The following CBL variants were observed in gnomAD, a reference collection of about 807,000 sequenced individuals.
The protein encoded by CBL is Cbl proto-oncogene, also known as E3 ubiquitin-protein ligase CBL.
Under a neutral mutation model 96.9 loss-of-function variants are expected in CBL, and 45 were observed. The observed-to-expected ratio is 0.46, with a 90% CI of 0.37 to 0.60. The LOEUF (loss-of-function observed/expected upper bound fraction) is 0.60, where lower values mean the gene tolerates loss of function less well. Ranked by LOEUF, CBL falls within the 20% of genes least tolerant of loss-of-function variation. The pLI is 0.00. For synonymous variants in CBL, 420 were observed against 426.8 expected (o/e 0.98, Z 0.20); for missense variants, 1,024 against 1,143.5 (o/e 0.90, Z 1.51).
intron 2 of CBL, among the ~76,000 whole-genome samples, chr11:119,260,725 G>T (rs2135287283): frequency 6.6e-6 from 1 of 152,006 alleles, no homozygotes; most frequent in South Asian, 2.1e-4. Flanking sequence ...TACTGCCCCT[G>T]TTACTTTTCT....
At chr11:119,227,085 G>T (rs962592298) in intron 1 of CBL, among the ~76,000 whole-genome samples, 2 of 152,180 alleles carry the variant, frequency 1.3e-5, no homozygotes, top group African/African-American at 4.8e-5. Flanking sequence ...AAAAGTGATA[G>T]CTATTCAGTG....
rs2135303762 is a variant in CBL at position 119,278,233 on chromosome 11, A to G, written c.1163A>G (p.Asp388Gly). 5 of 1,612,768 alleles carry G rather than the reference A, an allele frequency of 3.1e-6. No individual in the cohort carries two copies. Among genetic ancestry groups the G allele is most frequent in the Non-Finnish European group, 4.2e-6 (5 of 1,178,780 alleles). ...FQLCKICAEN[D>G]KDVKIEPCGH... ...CTATGTAAAATATGTGCTGAAAATG[A>G]TAAGGATGTAAAGATTGAGCCCTGT... Residue 388 changes from aspartate to glycine, a missense_variant, in exon 8 of 16, where the codon GAT (aspartate) becomes GGT (glycine). Physicochemically the swap from Asp to Gly is moderately conservative, Grantham distance 94. Coordinates refer to ENST00000264033, the MANE Select transcript of CBL (RefSeq NM_005188.4).
At chr11:119,280,886 G>A (rs561902521) in intron 9 of CBL, among the ~76,000 whole-genome samples, 4 of 152,146 alleles carry the variant, frequency 2.6e-5, no homozygotes, top group East Asian at 1.9e-4. Context: ...GTGTTTACAT[G>A]ATTTCACTCC....
chr11:119,228,296 A>G (rs1487120863), intron 1 of CBL, among the ~76,000 whole-genome samples: 1 of 152,042 alleles, frequency 6.6e-6, no homozygotes, highest in Admixed American at 6.6e-5. Context: ...ATGTTTTTGT[A>G]GAGATGGGGT....
chr11:119,260,494 C>A (rs1267945629), intron 2 of CBL, among the ~76,000 whole-genome samples: 1 of 151,996 alleles, frequency 6.6e-6, no homozygotes, highest in Non-Finnish European at 1.5e-5. Flanking sequence ...ATTGTCTCAT[C>A]TGTAAAATGG....
In CBL at chr11:119,305,904, A is replaced by G. The variant is rs1054054259; in HGVS notation, c.*6123A>G. ...TACTAGAGTCATTTGATACACACAG[A>G]AGTTACCTAATAATCCAAAGATGTC... On this transcript the variant is annotated 3_prime_UTR_variant, in exon 16 of 16. Transcript: ENST00000264033. The G allele has an allele frequency of 2.0e-5, 5 of 251,642 alleles. No homozygotes were observed. The highest frequency in any genetic ancestry group is 1.1e-4 in the African/African-American group (5 of 45,948). The allele number at this position is 251,642 out of a possible 1,614,324, so 15.6% of individuals were successfully genotyped here. A position where few individuals can be genotyped will look rare whatever the true frequency, so the allele number is the denominator to read the frequency against.
At position 119,285,401 on chromosome 11, in the gene CBL, C is replaced by T. The variant is rs886047769; in HGVS notation, c.1776C>T (p.Pro592=). 2.5e-6 allele frequency: 4 copies of T among 1,614,038 alleles called. No individual in the cohort carries two copies. Among genetic ancestry groups the T allele is most frequent in the Non-Finnish European group, 2.5e-6 (3 of 1,180,034 alleles). The change falls in exon 11 of 16, where the codon CCC becomes CCT. Residue 592 remains proline (P), a synonymous_variant. Transcript: ENST00000264033. ...GCCGCCTTGGAGACTCATGGCTGCC[C>T]CGGCCAATCCCCAAAGTACCAGTAT... ...PSSRLGDSWL[P]RPIPKVPVSA...
intron 2 of CBL, among the ~76,000 whole-genome samples, chr11:119,252,226 C>G (rs1949674849): frequency 6.6e-6 from 1 of 151,754 alleles, no homozygotes; most frequent in African/African-American, 2.4e-5. Context: ...GAACACTCAT[C>G]CAGTCTAGTG....
chr11:119,306,441 A>G lies in CBL; in HGVS notation c.*6660A>G. ...TCCTACATTCTCCTTCTGCCCCTAAATCAGACAGGAGGCCAGAGAGGAGTA... is the reference window on the plus strand; with the variant it reads ...TCCTACATTCTCCTTCTGCCCCTAAGTCAGACAGGAGGCCAGAGAGGAGTA... On this transcript the variant is annotated 3_prime_UTR_variant, in exon 16 of 16. Transcript: ENST00000264033. 1 of 398,624 alleles carries G rather than the reference A, an allele frequency of 2.5e-6. No individual in the cohort carries two copies. Among genetic ancestry groups the G allele is most frequent in the Non-Finnish European group, 4.4e-6 (1 of 225,990 alleles). 24.7% of individuals were successfully genotyped at this position (398,624 alleles called of 1,614,324 possible).
intron 2 of CBL, among the ~76,000 whole-genome samples, chr11:119,253,706 C>T (rs73566762): frequency 0.017 from 2,543 of 149,366 alleles, 73 homozygotes; most frequent in African/African-American, 0.059. Context: ...GGTGTGGTGG[C>T]GCATACCTGT....
chr11:119,235,045 C>G (rs549836660), intron 2 of CBL, among the ~76,000 whole-genome samples: 2 of 152,108 alleles, frequency 1.3e-5, no homozygotes, highest in Non-Finnish European at 2.9e-5. Flanking sequence ...TTTTTGACCT[C>G]TAGACTTTCT....
At chr11:119,289,542 C>G (rs1950009556) in intron 12 of CBL, 1 of 146,168 alleles carries the variant, frequency 6.8e-6, no homozygotes, top group Admixed American at 6.8e-5. Flanking sequence ...CCATTTCACT[C>G]CTCTATTTTT....
chr11:119,254,880 G>A (rs71484132), intron 2 of CBL, among the ~76,000 whole-genome samples: 2 of 152,140 alleles, frequency 1.3e-5, no homozygotes, highest in Non-Finnish European at 2.9e-5. Flanking sequence ...GGGATTACAG[G>A]TGTGAGCCAC....
chr11:119,251,086 A>G (rs1217846568), intron 2 of CBL, among the ~76,000 whole-genome samples: 4 of 152,236 alleles, frequency 2.6e-5, no homozygotes, highest in Non-Finnish European at 5.9e-5. Flanking sequence ...GGGTACTTCC[A>G]AATTCTGGTG....
rs1404452529 is a variant in CBL, at chr11:119,232,430, C to T, written c.196-18C>T. 6.2e-7 allele frequency: 1 copy of T among 1,612,426 alleles called. No individual in the cohort carries two copies. The highest frequency in any genetic ancestry group is 8.5e-7 in the Non-Finnish European group (1 of 1,179,908). ...TAAAATTCTCCAAGTAATAGCCCTT[C>T]TTTTTCATTTGTTGCAGGTGGTGCG... On this transcript the variant is annotated intron_variant, in intron 1 of 15. Coordinates refer to ENST00000264033, the MANE Select transcript of CBL (RefSeq NM_005188.4).
At chr11:119,213,196 C>T (rs11217186) in intron 1 of CBL, among the ~76,000 whole-genome samples, 35,022 of 151,988 alleles carry the variant, frequency 0.23, 4,292 homozygotes, top group East Asian at 0.38. Context: ...TTCCCTGTGC[C>T]TCCTAAAAGC....
rs1202002361 is a variant in CBL, at chr11:119,304,542, C to A, written c.*4761C>A. On this transcript the variant is annotated 3_prime_UTR_variant, in exon 16 of 16. Coordinates refer to ENST00000264033, the MANE Select transcript of CBL (RefSeq NM_005188.4). ...CACAGTCTGCTTATGGTATATGTGG[C>A]CCCCAAATAGGCACTCTAGTCCTCA... The A allele has an allele frequency of 8.6e-6, 2 of 232,760 alleles. No homozygotes were observed. The highest frequency in any genetic ancestry group is 4.4e-5 in the African/African-American group (2 of 45,252). The allele number at this position is 232,760 out of a possible 1,614,324, so 14.4% of individuals were successfully genotyped here. A position where few individuals can be genotyped will look rare whatever the true frequency, so the allele number is the denominator to read the frequency against.
intron 1 of CBL, among the ~76,000 whole-genome samples, chr11:119,225,177 A>G (rs1322854788): frequency 1.3e-5 from 2 of 151,014 alleles, no homozygotes; most frequent in Non-Finnish European, 2.9e-5. Context: ...GCTCACTGCA[A>G]CCTCCACCTC....
At chr11:119,271,021 G>T (rs2135296305) in intron 2 of CBL, among the ~76,000 whole-genome samples, 1 of 152,348 alleles carries the variant, frequency 6.6e-6, no homozygotes, top group East Asian at 1.9e-4. Context: ...AGGAAGAGGA[G>T]TTTGGGTAAA....
Sources: gnomAD v4.1 joint callset for allele counts (sites outside exome capture counted in the v4.1 genomes callset) on GRCh38, gnomAD v4.1.1 for gene constraint, MANE v1.5 for transcripts, NCBI Gene and HGNC (gene_info 2026-07-23, HGNC 2026-07-21) for gene names.